The following IL34 variants were observed in gnomAD, a reference collection of about 807,000 sequenced individuals.
IL34 encodes interleukin-34.
IL34 carries 17 observed loss-of-function variants against 25.3 expected under a neutral mutation model. That is an observed-to-expected ratio of 0.67 (90% CI 0.46 to 1.01). The LOEUF (loss-of-function observed/expected upper bound fraction) is 1.01. Ranked by LOEUF, IL34 falls within the 50% of genes least tolerant of loss-of-function variation. The probability of loss-of-function intolerance (pLI) is 0.00; values close to 1 mark genes in which losing one functional copy is unlikely to be tolerated. For missense variants in IL34, 368 were observed against 312.9 expected (o/e 1.18, Z -1.33); for synonymous variants, 174 against 140.9 (o/e 1.23, Z -1.66).
chr16:70,637,408 G>A (rs181766228), intron 1 of IL34, among the ~76,000 whole-genome samples: 141 of 152,078 alleles, frequency 9.3e-4, no homozygotes, highest in South Asian at 3.5e-3. Flanking sequence ...GGCTGGAATG[G>A]TGTGATCTCA....
chr16:70,648,573 AAAG>A (rs908225607), intron 1 of IL34, among the ~76,000 whole-genome samples: 4 of 150,572 alleles, frequency 2.7e-5, no homozygotes, highest in Non-Finnish European at 5.9e-5. Flanking sequence ...AAAAAAAAAA[AAAG>A]GAGAAAAGAA....
chr16:70,621,483 T>A, intron 1 of IL34, among the ~76,000 whole-genome samples: 2 of 141,956 alleles, frequency 1.4e-5, no homozygotes, highest in East Asian at 4.2e-4. Context: ...AAATTGGTGA[T>A]ATTCCTTGGG....
intron 1 of IL34, among the ~76,000 whole-genome samples, chr16:70,631,599 C>G (rs1017898585): frequency 6.6e-6 from 1 of 152,090 alleles, no homozygotes; most frequent in East Asian, 1.9e-4. Flanking sequence ...TGTTATAAAA[C>G]TAAACTTGGG....
intron 1 of IL34, among the ~76,000 whole-genome samples, chr16:70,628,987 G>T (rs140820294): frequency 1.3e-5 from 2 of 151,928 alleles, no homozygotes; most frequent in African/African-American, 4.8e-5. Flanking sequence ...ACAGGGTCTT[G>T]GTATGTTGCC....
chr16:70,624,948 G>T (rs924004922), intron 1 of IL34, among the ~76,000 whole-genome samples: 2 of 151,956 alleles, frequency 1.3e-5, no homozygotes, highest in African/African-American at 4.8e-5. Context: ...GGTACGAGTT[G>T]CATTGGGCAC....
At chr16:70,652,631 C>T (rs760136584) in intron 1 of IL34, among the ~76,000 whole-genome samples, 2 of 152,180 alleles carry the variant, frequency 1.3e-5, no homozygotes, top group African/African-American at 4.8e-5. Flanking sequence ...TATTATGGAA[C>T]GTCTAGGCCA....
At chr16:70,647,355 G>C (rs1325787153) in intron 1 of IL34, among the ~76,000 whole-genome samples, 1 of 152,212 alleles carries the variant, frequency 6.6e-6, no homozygotes, top group Non-Finnish European at 1.5e-5. Context: ...GCTGGTGAAA[G>C]TGTCTAGGGA....
intron 1 of IL34, among the ~76,000 whole-genome samples, chr16:70,594,214 A>G (rs1211813910): frequency 1.3e-5 from 2 of 152,208 alleles, no homozygotes; most frequent in African/African-American, 4.8e-5. Flanking sequence ...GGGGAGAACA[A>G]CCATCTTAAC....
chr16:70,604,710 G>A (rs1280016030), intron 1 of IL34, among the ~76,000 whole-genome samples: 1 of 152,226 alleles, frequency 6.6e-6, no homozygotes, highest in African/African-American at 2.4e-5. Flanking sequence ...AGACAGAAAG[G>A]AGTTAGGCAA....
intron 1 of IL34, among the ~76,000 whole-genome samples, chr16:70,629,469 C>T (rs974667819): frequency 2.6e-5 from 4 of 152,128 alleles, no homozygotes; most frequent in Non-Finnish European, 5.9e-5. Context: ...CCCAAAGATA[C>T]CAAAATCCAT....
At chr16:70,632,922 G>A (rs2051551752) in intron 1 of IL34, among the ~76,000 whole-genome samples, 1 of 152,132 alleles carries the variant, frequency 6.6e-6, no homozygotes, top group Non-Finnish European at 1.5e-5. Flanking sequence ...GTTAAAATTG[G>A]AGTATAACTT....
rs763895154 is a variant in IL34 at position 70,657,050 on chromosome 16, G to C, written c.331G>C (p.Glu111Gln). The change falls in exon 4 of 6, where the codon GAG becomes CAG. Residue 111 changes from glutamate to glutamine, a missense_variant. Transcript: ENST00000288098. ...ATESVQDVLLEGHPSWKYLQE... is the reference protein window; with the variant it reads ...ATESVQDVLLQGHPSWKYLQE... ...TGAGTCGGTGCAGGACGTGCTGCTC[G>C]AGGGCCACCCATCCTGGAAGTACCT... is the stretch of plus-strand genomic sequence containing the variant. 1.1e-5 allele frequency: 17 copies of C among 1,612,754 alleles called. No homozygotes were observed. The highest frequency in any genetic ancestry group is 2.2e-5 in the East Asian group (1 of 44,874).
upstream of IL34, among the ~76,000 whole-genome samples, chr16:70,641,653 C>A (rs1328523017): frequency 1.3e-5 from 2 of 151,624 alleles, no homozygotes; most frequent in African/African-American, 4.9e-5. Context: ...GCTGCCTCCA[C>A]CTCCCCAGAT....
At chr16:70,586,475 G>C (rs1358933762) in intron 1 of IL34, among the ~76,000 whole-genome samples, 1 of 152,154 alleles carries the variant, frequency 6.6e-6, no homozygotes, top group Non-Finnish European at 1.5e-5. Context: ...AGGATTGCTT[G>C]AGCCCTGGAG....
At chr16:70,643,668 C>T (rs1030743152), upstream of IL34, among the ~76,000 whole-genome samples, 12 of 152,224 alleles carry the variant, frequency 7.9e-5, no homozygotes, top group African/African-American at 1.7e-4. Flanking sequence ...AGCCATCACA[C>T]GCAGCCTGTA....
At chr16:70,619,063 T>C (rs372058029) in intron 1 of IL34, among the ~76,000 whole-genome samples, 44 of 152,258 alleles carry the variant, frequency 2.9e-4, no homozygotes, top group Admixed American at 7.2e-4. Flanking sequence ...TGATAAGGCA[T>C]AGATCCTGAA....
At chr16:70,614,188 A>C (rs977530942) in intron 1 of IL34, among the ~76,000 whole-genome samples, 1 of 151,738 alleles carries the variant, frequency 6.6e-6, no homozygotes, top group African/African-American at 2.4e-5. Flanking sequence ...TGTCTCAAAA[A>C]AAAAAAAAAA....
chr16:70,632,017 C>A (rs540764734), intron 1 of IL34, among the ~76,000 whole-genome samples: 1 of 151,736 alleles, frequency 6.6e-6, no homozygotes, highest in Admixed American at 6.6e-5. Context: ...AGGAGGATTA[C>A]CTGAGCCTGG....
intron 1 of IL34, among the ~76,000 whole-genome samples, chr16:70,637,592 C>A (rs1006273524): frequency 2.8e-4 from 42 of 151,932 alleles, no homozygotes; most frequent in Non-Finnish European, 3.8e-4. Context: ...GATCTGCCCC[C>A]CCTCGACCTC....
Sources: gnomAD v4.1 joint callset for allele counts (sites outside exome capture counted in the v4.1 genomes callset) on GRCh38, gnomAD v4.1.1 for gene constraint, MANE v1.5 for transcripts, NCBI Gene and HGNC (gene_info 2026-07-23, HGNC 2026-07-21) for gene names.